The following NUS1 variants were observed in gnomAD, a reference collection of about 807,000 sequenced individuals.
The protein encoded by NUS1 is NUS1 dehydrodolichyl diphosphate synthase subunit.
For synonymous variants in NUS1, 135 were observed against 155.2 expected (o/e 0.87, Z 0.97); for missense variants, 292 against 382.9 (o/e 0.76, Z 1.98).
At chr6:117,691,552 G>GAT (rs1236328961) in intron 1 of NUS1, among the ~76,000 whole-genome samples, 1,332 of 37,470 alleles carry the variant, frequency 0.036, 23 homozygotes, top group Middle Eastern at 0.068. Context: ...CTGTGCCATA[G>GAT]ATATAGATAT....
At chr6:117,683,492 A>C (rs1773092661) in intron 1 of NUS1, among the ~76,000 whole-genome samples, 1 of 152,110 alleles carries the variant, frequency 6.6e-6, no homozygotes, top group Non-Finnish European at 1.5e-5. Flanking sequence ...TTTATAATTG[A>C]GTTGTTAGAG....
intron 1 of NUS1, among the ~76,000 whole-genome samples, chr6:117,682,944 G>C (rs766862136): frequency 6.6e-6 from 1 of 152,142 alleles, no homozygotes; most frequent in Non-Finnish European, 1.5e-5. Flanking sequence ...ATTTGTAAAA[G>C]ATATTTAAAG....
intron 1 of NUS1, among the ~76,000 whole-genome samples, chr6:117,678,831 G>A (rs554091276): frequency 2.0e-5 from 3 of 151,934 alleles, no homozygotes; most frequent in East Asian, 1.9e-4. Flanking sequence ...GGTGATGCGC[G>A]CCACCCCGCC....
At chr6:117,704,530 G>A (rs1773474068) in intron 4 of NUS1, among the ~76,000 whole-genome samples, 1 of 152,128 alleles carries the variant, frequency 6.6e-6, no homozygotes, top group African/African-American at 2.4e-5. Context: ...TTGTGACCGT[G>A]TTCTGATAAA....
At chr6:117,698,516 G>A (rs535684673) in intron 3 of NUS1, among the ~76,000 whole-genome samples, 147 of 151,170 alleles carry the variant, frequency 9.7e-4, no homozygotes, top group African/African-American at 3.3e-3. Flanking sequence ...TGAGGTTGAA[G>A]CTGAAGTAAT....
At chr6:117,686,847 T>TAA (rs1773147241) in intron 1 of NUS1, among the ~76,000 whole-genome samples, 1 of 92,706 alleles carries the variant, frequency 1.1e-5, no homozygotes, top group African/African-American at 5.1e-5. Context: ...TCATGTGAAG[T>TAA]GTGTATGTGT....
chr6:117,693,987 G>T, intron 2 of NUS1, 44 bp from the exon 3 acceptor site: 1 of 1,583,898 alleles, frequency 6.3e-7, no homozygotes, highest in South Asian at 1.2e-5. Flanking sequence ...AAATATACCT[G>T]GAAGAGAGTG....
intron 1 of NUS1, among the ~76,000 whole-genome samples, chr6:117,690,895 G>A (rs1472121800): frequency 7.0e-6 from 1 of 141,928 alleles, no homozygotes; most frequent in African/African-American, 2.6e-5. Flanking sequence ...CAGGAGAATC[G>A]CATGAACCCA....
At chr6:117,692,220 C>A (rs1331004512) in intron 1 of NUS1, among the ~76,000 whole-genome samples, 1 of 152,048 alleles carries the variant, frequency 6.6e-6, no homozygotes, top group Non-Finnish European at 1.5e-5. Flanking sequence ...TGTGTTCTCT[C>A]TCCCAGTTAT....
chr6:117,698,707 G>A (rs971264920), intron 3 of NUS1, among the ~76,000 whole-genome samples: 2 of 151,862 alleles, frequency 1.3e-5, no homozygotes, highest in Non-Finnish European at 2.9e-5. Context: ...ACCAGACAAA[G>A]ACACATCAAA....
chr6:117,676,151 G>C (rs1772976908), intron 1 of NUS1, 66 bp downstream of exon 1: 1 of 1,546,604 alleles, frequency 6.5e-7, no homozygotes, highest in African/African-American at 1.4e-5. Flanking sequence ...CTGGTCTGGC[G>C]GGTGGTGCCC....
chr6:117,706,017 G>T (rs1773494961), intron 4 of NUS1, among the ~76,000 whole-genome samples: 1 of 152,024 alleles, frequency 6.6e-6, no homozygotes, highest in African/African-American at 2.4e-5. Context: ...TTTTTGTGGT[G>T]CATGTGACTG....
At chr6:117,694,822 C>T (rs1001902028) in intron 3 of NUS1, among the ~76,000 whole-genome samples, 3 of 152,056 alleles carry the variant, frequency 2.0e-5, no homozygotes, top group Middle Eastern at 3.2e-3. Context: ...AATTCATGTT[C>T]ATTAATAGCT....
intron 3 of NUS1, among the ~76,000 whole-genome samples, chr6:117,694,390 C>T (rs760436221): frequency 1.3e-5 from 2 of 152,064 alleles, no homozygotes; most frequent in African/African-American, 2.4e-5. Flanking sequence ...TAGCCACTCA[C>T]TCGCATGAGG....
rs1773265504 is a variant in NUS1, at chr6:117,693,136, A to T, written c.510A>T (p.Glu170Asp). ...TAGATTGTTCAAAATACTCACCAGA[A>T]TTTGCAAATAGTAATGACAAAGATG... ...LGLDCSKYSP[E>D]FANSNDKDDQ... Residue 170 changes from glutamate (E) to aspartate (D), a missense_variant, in exon 2 of 5, where the codon GAA (glutamate) becomes GAT (aspartate). Glu to Asp is a conservative substitution (Grantham distance 45). Coordinates refer to ENST00000368494, the MANE Select transcript of NUS1 (RefSeq NM_138459.5). 6.2e-7 allele frequency: 1 copy of T among 1,612,666 alleles called. No homozygotes were observed. The highest frequency in any genetic ancestry group is 8.5e-7 in the Non-Finnish European group (1 of 1,179,092).
At chr6:117,679,523 ATTGAC>A (rs1339254188) in intron 1 of NUS1, among the ~76,000 whole-genome samples, 1 of 152,202 alleles carries the variant, frequency 6.6e-6, no homozygotes, top group South Asian at 2.1e-4. Flanking sequence ...CAATTTATAT[ATTGAC>A]TTAGTTCAGT....
At position 117,707,850 on chromosome 6, in the gene NUS1, A is replaced by G. The variant is rs1300863792; in HGVS notation, c.*835A>G. 2.0e-5 allele frequency: 3 copies of G among 152,372 alleles called. No homozygotes were observed. Among genetic ancestry groups the G allele is most frequent in the Admixed American group, 2.0e-4 (3 of 15,266 alleles). 9.4% of individuals were successfully genotyped at this position (152,372 alleles called of 1,614,324 possible). On this transcript the variant is annotated 3_prime_UTR_variant, in exon 5 of 5. Transcript: ENST00000368494. The stretch of plus-strand genomic sequence containing the variant: ...AAAAACCAAGCAAGCATAAAAGGTC[A>G]ATAAGTTGTAATCTTGATAGTAAAG...
chr6:117,698,489 A>T (rs745355666), intron 3 of NUS1, among the ~76,000 whole-genome samples: 72 of 152,228 alleles, frequency 4.7e-4, no homozygotes, highest in Non-Finnish European at 8.2e-4. Context: ...AATCCTGAAG[A>T]GACCAATAAT....
At chr6:117,677,196 C>T (rs1002762243) in intron 1 of NUS1, among the ~76,000 whole-genome samples, 1 of 152,176 alleles carries the variant, frequency 6.6e-6, no homozygotes, top group African/African-American at 2.4e-5. Flanking sequence ...ATTCCATGGA[C>T]TCTCAGGCTT....
Sources: allele counts gnomAD v4.1 joint callset (sites outside exome capture counted in the v4.1 genomes callset), GRCh38; gene constraint gnomAD v4.1.1; transcripts MANE v1.5; gene names NCBI Gene and HGNC (gene_info 2026-07-23, HGNC 2026-07-21).